Variants in ESRRG observed in about 807,000 individuals in gnomAD.
The protein encoded by ESRRG is estrogen related receptor gamma, also known as estrogen-related receptor gamma.
In ESRRG, 13 loss-of-function variants were observed where a neutral mutation model predicts 44.0. The observed-to-expected ratio is 0.30, with a 90% CI of 0.19 to 0.47. The LOEUF is 0.47. ESRRG is among the 20% of genes least tolerant of loss of function. The pLI is 1.00. For synonymous variants in ESRRG, 215 were observed against 214.6 expected (o/e 1.00, Z -0.02); for missense variants, 395 against 580.6 (o/e 0.68, Z 3.29).
intron 2 of ESRRG, chr1:216,863,656 G>A (rs1267707411): frequency 6.6e-6 from 1 of 152,100 alleles, no homozygotes; most frequent in African/African-American, 2.4e-5. Flanking sequence ...AGTTATTATT[G>A]TAGGTTTAAA....
At chr1:216,786,622 C>A (rs936820529) in intron 2 of ESRRG, among the ~76,000 whole-genome samples, 1 of 152,062 alleles carries the variant, frequency 6.6e-6, no homozygotes, top group Non-Finnish European at 1.5e-5. Flanking sequence ...ATAATTTTAG[C>A]TAATACTAAA....
intron 2 of ESRRG, among the ~76,000 whole-genome samples, chr1:216,929,545 T>A (rs1240986205): frequency 1.3e-5 from 2 of 152,086 alleles, no homozygotes. Context: ...GGAATTTGAA[T>A]AAGAGTTGGG....
chr1:216,634,803 A>G (rs1205771870), intron 3 of ESRRG, among the ~76,000 whole-genome samples: 1 of 152,200 alleles, frequency 6.6e-6, no homozygotes, highest in African/African-American at 2.4e-5. Context: ...TTACAGAGAA[A>G]GATTCAAACA....
At chr1:216,810,746 ACT>A (rs1178895524) in intron 2 of ESRRG, among the ~76,000 whole-genome samples, 6 of 147,676 alleles carry the variant, frequency 4.1e-5, no homozygotes, top group African/African-American at 1.5e-4. Context: ...TATATATATA[ACT>A]CTATGATATA....
At chr1:216,906,700 A>G (rs2059722033) in intron 2 of ESRRG, among the ~76,000 whole-genome samples, 1 of 152,220 alleles carries the variant, frequency 6.6e-6, no homozygotes, top group Non-Finnish European at 1.5e-5. Flanking sequence ...AGGACATGGG[A>G]CCCAACACCT....
chr1:216,687,405 C>T (rs2078216420), intron 1 of ESRRG, among the ~76,000 whole-genome samples: 1 of 152,248 alleles, frequency 6.6e-6, no homozygotes, highest in South Asian at 2.1e-4. Context: ...GATTTGACTG[C>T]CAGTAGGAAG....
chr1:216,802,141 T>C (rs1463131592), intron 2 of ESRRG, among the ~76,000 whole-genome samples: 1 of 152,108 alleles, frequency 6.6e-6, no homozygotes, highest in Non-Finnish European at 1.5e-5. Flanking sequence ...TGCAGAAGCA[T>C]CAAACTAGGC....
intron 1 of ESRRG, among the ~76,000 whole-genome samples, chr1:216,979,039 C>G (rs2073469877): frequency 6.6e-6 from 1 of 152,084 alleles, no homozygotes. Flanking sequence ...GCTCCATGCT[C>G]TCTCTCCCTC....
In ESRRG at chr1:217,102,770, T is replaced by C. The variant is rs541673861; in HGVS notation, c.-230+34897A>G. On this transcript the variant is annotated intron_variant, in intron 1 of 8. Coordinates refer to the ESRRG transcript ENST00000366940. ...CTAGCCTACAACAAGCTCTTACTCT[T>C]TGGGAGACACTGGCACATAAACATC... 4.6e-5 allele frequency among the ~76,000 whole-genome samples: 7 copies of C among 152,282 alleles called. No homozygotes were observed. In the East Asian group the frequency reaches 1.2e-3, roughly 25 times the overall value.
chr1:217,004,997 T>C (rs2077535309), intron 1 of ESRRG, among the ~76,000 whole-genome samples: 1 of 152,182 alleles, frequency 6.6e-6, no homozygotes, highest in African/African-American at 2.4e-5. Context: ...ATAATGGTTC[T>C]ACTCTTATTA....
At chr1:216,834,578 A>C (rs1055150503) in intron 2 of ESRRG, among the ~76,000 whole-genome samples, 2 of 151,016 alleles carry the variant, frequency 1.3e-5, no homozygotes, top group African/African-American at 2.4e-5. Flanking sequence ...CACAGTCAGG[A>C]GGTGATAACC....
chr1:216,843,588 C>G (rs113878459), intron 2 of ESRRG, among the ~76,000 whole-genome samples: 7 of 152,184 alleles, frequency 4.6e-5, no homozygotes, highest in African/African-American at 1.4e-4. Flanking sequence ...GACCAAGACG[C>G]GGATCACATT....
intron 2 of ESRRG, among the ~76,000 whole-genome samples, chr1:216,900,022 C>T (rs1044885157): frequency 2.0e-5 from 3 of 152,212 alleles, no homozygotes; most frequent in Non-Finnish European, 2.9e-5. Context: ...TGTTTTCCTT[C>T]ATCCCTCGCT....
chr1:216,624,718 GCTTCAA>G (rs964330941), intron 3 of ESRRG, among the ~76,000 whole-genome samples: 1 of 152,000 alleles, frequency 6.6e-6, no homozygotes, highest in African/African-American at 2.4e-5. Flanking sequence ...CCAAATTCAA[GCTTCAA>G]ATTTTTAACT....
intron 1 of ESRRG, among the ~76,000 whole-genome samples, chr1:216,696,970 C>CT (rs397958205): frequency 0.015 from 2,159 of 144,776 alleles, 41 homozygotes; most frequent in African/African-American, 0.047. Flanking sequence ...AATAAAATAT[C>CT]TTTTTTTTTT....
At chr1:216,768,894 C>A (rs2093245721) in intron 2 of ESRRG, among the ~76,000 whole-genome samples, 1 of 152,070 alleles carries the variant, frequency 6.6e-6, no homozygotes. Flanking sequence ...GAACAAGAGT[C>A]AGGAATTAAA....
At chr1:216,825,838 T>G (rs1463751221) in intron 2 of ESRRG, among the ~76,000 whole-genome samples, 1 of 152,174 alleles carries the variant, frequency 6.6e-6, no homozygotes, top group Non-Finnish European at 1.5e-5. Context: ...CCAGCACTAC[T>G]GAAAGATACA....
intron 5 of ESRRG, among the ~76,000 whole-genome samples, chr1:216,558,733 T>G (rs2058089397): frequency 6.6e-6 from 1 of 152,202 alleles, no homozygotes; most frequent in African/African-American, 2.4e-5. Flanking sequence ...CAGCTCAAGT[T>G]TTCTGATTTT....
intron 3 of ESRRG, among the ~76,000 whole-genome samples, chr1:216,570,975 C>T (rs1193680969): frequency 6.6e-6 from 1 of 152,102 alleles, no homozygotes; most frequent in Admixed American, 6.5e-5. Flanking sequence ...GGAGTTTTGT[C>T]CATCATGAAG....
Sources: gnomAD v4.1 joint callset for allele counts (sites outside exome capture counted in the v4.1 genomes callset) on GRCh38, gnomAD v4.1.1 for gene constraint, MANE v1.5 for transcripts, NCBI Gene and HGNC (gene_info 2026-07-23, HGNC 2026-07-21) for gene names.